Variants in ZFAND6 observed in about 807,000 individuals in gnomAD.
ZFAND6 encodes AN1-type zinc finger protein 6.
ZFAND6 carries 12 observed loss-of-function variants against 24.5 expected under a neutral mutation model. The observed-to-expected ratio is 0.49, with a 90% CI of 0.31 to 0.79. The LOEUF (loss-of-function observed/expected upper bound fraction) is 0.79. ZFAND6 is among the 30% of genes least tolerant of loss of function. ZFAND6 has a pLI of 0.04. For missense variants in ZFAND6, 207 were observed against 245.9 expected, an observed-to-expected ratio of 0.84 and a Z score of 1.06; for synonymous variants, 92 against 81.5, an observed-to-expected ratio of 1.13 and a Z score of -0.69.
intron 2 of ZFAND6, among the ~76,000 whole-genome samples, chr15:80,100,188 G>A (rs1596262587): frequency 6.6e-6 from 1 of 152,276 alleles, no homozygotes; most frequent in Admixed American, 6.5e-5. Context: ...TCTGTAAAAC[G>A]AAATTTAATT....
chr15:80,110,234 C>T (rs1166742892), intron 2 of ZFAND6, among the ~76,000 whole-genome samples: 2 of 152,122 alleles, frequency 1.3e-5, no homozygotes, highest in Non-Finnish European at 2.9e-5. Context: ...TGCATGAGGC[C>T]TGACTACCAG....
chr15:80,112,075 C>T (rs2039637136), intron 2 of ZFAND6, among the ~76,000 whole-genome samples: 1 of 152,142 alleles, frequency 6.6e-6, no homozygotes, highest in Non-Finnish European at 1.5e-5. Flanking sequence ...GCCTGGCCAA[C>T]ATGGTGAAAC....
chr15:80,127,101 C>T (rs139132840), intron 5 of ZFAND6, among the ~76,000 whole-genome samples: 1 of 151,576 alleles, frequency 6.6e-6, no homozygotes, highest in Non-Finnish European at 1.5e-5. Context: ...GAATGAGACC[C>T]TCTCTCAAAA....
intron 2 of ZFAND6, among the ~76,000 whole-genome samples, 194 bp downstream of exon 2, chr15:80,098,772 AC>A (rs2038873870): frequency 6.6e-6 from 1 of 152,142 alleles, no homozygotes; most frequent in Non-Finnish European, 1.5e-5. Context: ...TTGTGCAATA[AC>A]ATTTATAACT....
rs1252640429 is a variant in ZFAND6 at position 80,127,449 on chromosome 15, G to GTGA, written c.365-3728_365-3726dup. Among the ~76,000 whole-genome samples, 4 of 151,998 alleles carry GTGA rather than the reference G, an allele frequency of 2.6e-5. No homozygotes were observed. The East Asian group carries it at 7.7e-4, about 29-fold the overall frequency. On this transcript the variant is annotated intron_variant, in intron 5 of 6. Transcript: ENST00000261749. ...CTAAAAATATGAAACTTAGCTGGCT[G>GTGA]TGATGTCATGCGCCTGTAGTCTCAG...
At chr15:80,079,979 G>A (rs1428685629) in intron 1 of ZFAND6, among the ~76,000 whole-genome samples, 1 of 150,434 alleles carries the variant, frequency 6.6e-6, no homozygotes, top group Admixed American at 6.6e-5. Flanking sequence ...ATACACAACC[G>A]TTTTTCTGTT....
chr15:80,089,174 A>G (rs545123897), intron 1 of ZFAND6, among the ~76,000 whole-genome samples: 144 of 151,222 alleles, frequency 9.5e-4, no homozygotes, highest in African/African-American at 3.4e-3. Context: ...GATTGCAATA[A>G]TTCAACATAT....
chr15:80,091,385 A>G (rs751349353), intron 1 of ZFAND6, among the ~76,000 whole-genome samples: 2 of 152,188 alleles, frequency 1.3e-5, no homozygotes, highest in African/African-American at 2.4e-5. Flanking sequence ...TCATTCTTCT[A>G]ATCATTTTGG....
At position 80,076,378 on chromosome 15, in the gene ZFAND6, A is replaced by G. The variant is rs139522981; in HGVS notation, c.-181+16569A>G. 7.6e-3 allele frequency among the ~76,000 whole-genome samples: 1,127 copies of G among 149,230 alleles called. 9 individuals carry two copies. Among genetic ancestry groups the G allele is most frequent in the Non-Finnish European group, 0.013 (868 of 67,596 alleles). On this transcript the variant is annotated intron_variant, in intron 1 of 6. Transcript: ENST00000261749. ...TTTAAATTCAGTGTCTCTAGAATCAATCTTTTTTTTTTTCCTTCACGTGTT... is the reference window on the plus strand; with the variant it reads ...TTTAAATTCAGTGTCTCTAGAATCAGTCTTTTTTTTTTTCCTTCACGTGTT...
chr15:80,111,185 G>T (rs79006563), intron 2 of ZFAND6, among the ~76,000 whole-genome samples: 1,849 of 152,246 alleles, frequency 0.012, 30 homozygotes, highest in African/African-American at 0.042. Flanking sequence ...TCACATCATG[G>T]TTATAACTCC....
chr15:80,102,054 C>T (rs909894370), intron 2 of ZFAND6, among the ~76,000 whole-genome samples: 6 of 151,936 alleles, frequency 3.9e-5, no homozygotes, highest in Admixed American at 2.0e-4. Context: ...TTTCGGCCTC[C>T]CAAAGTGCTG....
chr15:80,097,965 AT>A (rs981277811), intron 1 of ZFAND6, among the ~76,000 whole-genome samples: 6 of 152,284 alleles, frequency 3.9e-5, no homozygotes, highest in African/African-American at 1.4e-4. Flanking sequence ...ACCATAGAAA[AT>A]GTCAGCAACA....
At chr15:80,134,568 A>T (rs186397508) in intron 6 of ZFAND6, among the ~76,000 whole-genome samples, 1 of 152,252 alleles carries the variant, frequency 6.6e-6, no homozygotes, top group Non-Finnish European at 1.5e-5. Flanking sequence ...GCCTGAAACA[A>T]CAAATTTTTG....
chr15:80,114,738 G>T (rs976329254), intron 2 of ZFAND6, among the ~76,000 whole-genome samples: 2 of 152,114 alleles, frequency 1.3e-5, no homozygotes, highest in Admixed American at 6.6e-5. Context: ...AATTGGTAAT[G>T]AATTTTCTTT....
At chr15:80,085,739 TTG>T (rs1333059201) in intron 1 of ZFAND6, among the ~76,000 whole-genome samples, 1 of 152,080 alleles carries the variant, frequency 6.6e-6, no homozygotes, top group Non-Finnish European at 1.5e-5. Flanking sequence ...CTGGTGTGTT[TTG>T]TGTGTGTGTG....
intron 1 of ZFAND6, among the ~76,000 whole-genome samples, chr15:80,068,746 C>A (rs2036805829): frequency 1.3e-5 from 2 of 152,194 alleles, no homozygotes; most frequent in Non-Finnish European, 1.5e-5. Flanking sequence ...GCGTGAGCCA[C>A]CGTGCCCAGC....
intron 1 of ZFAND6, among the ~76,000 whole-genome samples, chr15:80,095,731 A>G (rs993679229): frequency 2.0e-5 from 3 of 152,132 alleles, no homozygotes; most frequent in African/African-American, 4.8e-5. Flanking sequence ...ACTTCTATAC[A>G]CTGTTTCAAG....
chr15:80,133,077 T>TA (rs1306134582), intron 6 of ZFAND6, among the ~76,000 whole-genome samples: 2 of 152,092 alleles, frequency 1.3e-5, no homozygotes, highest in South Asian at 2.1e-4. Context: ...AGGATTGCTA[T>TA]AAAAAAAGGC....
chr15:80,085,110 G>T (rs6495474), intron 1 of ZFAND6, among the ~76,000 whole-genome samples: 103,207 of 152,086 alleles, frequency 0.68, 35,401 homozygotes, highest in Admixed American at 0.78. Context: ...TCTTCCATAC[G>T]TCATACCAGG....
Sources: allele counts gnomAD v4.1 joint callset (sites outside exome capture counted in the v4.1 genomes callset), GRCh38; gene constraint gnomAD v4.1.1; transcripts MANE v1.5; gene names NCBI Gene and HGNC (gene_info 2026-07-23, HGNC 2026-07-21).